Variants in STARD13 observed in about 807,000 individuals in gnomAD.
STARD13 encodes StAR related lipid transfer domain containing 13.
A neutral mutation model predicts 106.4 loss-of-function variants in STARD13; 62 were observed. That is an observed-to-expected ratio of 0.58 (90% confidence interval 0.48 to 0.72). STARD13 has a LOEUF of 0.72. Ranked by LOEUF, STARD13 falls within the 30% of genes least tolerant of loss-of-function variation. The probability of loss-of-function intolerance (pLI) is 0.00; values close to 1 mark genes in which losing one functional copy is unlikely to be tolerated. For missense variants in STARD13, 1,387 were observed against 1,424.0 expected (o/e 0.97, Z 0.42); for synonymous variants, 565 against 553.0 (o/e 1.02, Z -0.31).
chr13:33,347,663 A>G (rs2078031835), downstream of STARD13, among the ~76,000 whole-genome samples: 1 of 152,332 alleles, frequency 6.6e-6, no homozygotes, highest in Non-Finnish European at 1.5e-5. Flanking sequence ...TAGGAGAAAT[A>G]GGCCATACCA....
the STARD13 span, among the ~76,000 whole-genome samples, chr13:33,498,266 G>A: frequency 6.6e-6 from 1 of 152,170 alleles, no homozygotes; most frequent in African/African-American, 2.4e-5. Context: ...CCTCTGCTAA[G>A]TGCACACTCT....
the STARD13 span, among the ~76,000 whole-genome samples, chr13:33,555,753 C>T: frequency 6.6e-6 from 1 of 152,154 alleles, no homozygotes; most frequent in Admixed American, 6.5e-5. Context: ...AATTATTTCA[C>T]TTAAAAAATT....
chr13:33,612,984 C>A, the STARD13 span, among the ~76,000 whole-genome samples: 1 of 152,206 alleles, frequency 6.6e-6, no homozygotes, highest in South Asian at 2.1e-4. Context: ...TTTTGAGCAA[C>A]TTCAAAGTTC....
chr13:33,437,407 C>G, the STARD13 span, among the ~76,000 whole-genome samples: 1 of 152,136 alleles, frequency 6.6e-6, no homozygotes, highest in Non-Finnish European at 1.5e-5. Flanking sequence ...TGCCCCTGGC[C>G]GAATAAACCC....
chr13:33,309,781 C>T (rs1266468835), intron 1 of STARD13, among the ~76,000 whole-genome samples: 1 of 152,112 alleles, frequency 6.6e-6, no homozygotes, highest in Non-Finnish European at 1.5e-5. Flanking sequence ...TGATAATCTC[C>T]ACTGGGAATG....
the STARD13 span, among the ~76,000 whole-genome samples, chr13:33,499,188 G>T: frequency 2.6e-5 from 4 of 152,096 alleles, no homozygotes; most frequent in African/African-American, 7.2e-5. Context: ...TTTTAGCACA[G>T]AGTGAGCCTC....
At chr13:33,246,159 A>C (rs1889813764) in intron 1 of STARD13, among the ~76,000 whole-genome samples, 1 of 152,198 alleles carries the variant, frequency 6.6e-6, no homozygotes, top group Admixed American at 6.5e-5. Context: ...ATAGACATAA[A>C]TGCTTTGTCT....
the STARD13 span, among the ~76,000 whole-genome samples, chr13:33,455,602 G>C: frequency 1.3e-4 from 20 of 152,114 alleles, no homozygotes; most frequent in Non-Finnish European, 2.5e-4. Flanking sequence ...GTTCTGTTGT[G>C]AGCTGGGAAT....
chr13:33,551,568 C>CTTTTTTTTTTTTTTTTTTTTTT, the STARD13 span, among the ~76,000 whole-genome samples: 47 of 44,794 alleles, frequency 1.0e-3, 22 homozygotes, highest in South Asian at 1.9e-3. Context: ...TTTGCTTTTC[C>CTTTTTTTTTTTTTTTTTTTTTT]CTTTTTTTTT....
the STARD13 span, among the ~76,000 whole-genome samples, chr13:33,415,812 A>G: frequency 6.6e-6 from 1 of 152,232 alleles, no homozygotes; most frequent in African/African-American, 2.4e-5. Flanking sequence ...TAAGCGAGAG[A>G]TAGTCATTAA....
chr13:33,462,453 G>C, the STARD13 span, among the ~76,000 whole-genome samples: 1 of 152,184 alleles, frequency 6.6e-6, no homozygotes, highest in South Asian at 2.1e-4. Flanking sequence ...TATATGCAGG[G>C]GAGTTTGTTA....
chr13:33,609,809 C>T, the STARD13 span, among the ~76,000 whole-genome samples: 1 of 152,110 alleles, frequency 6.6e-6, no homozygotes, highest in Non-Finnish European at 1.5e-5. Context: ...ACCTCGTGAT[C>T]TGCCCGCCTC....
chr13:33,186,155 A>C, intron 1 of STARD13: 1 of 1,042,830 alleles, frequency 9.6e-7, no homozygotes. Flanking sequence ...AAGCCTCCAC[A>C]CTTCCTTTCC....
chr13:33,136,292 C>T (rs1301008295), intron 4 of STARD13, among the ~76,000 whole-genome samples: 1 of 152,156 alleles, frequency 6.6e-6, no homozygotes, highest in East Asian at 1.9e-4. Flanking sequence ...TTGTATTAAT[C>T]ACATATACGC....
the STARD13 span, among the ~76,000 whole-genome samples, chr13:33,446,718 G>A: frequency 6.6e-6 from 1 of 152,122 alleles, no homozygotes; most frequent in South Asian, 2.1e-4. Flanking sequence ...GAGTAATACA[G>A]AATTTTAGAC....
chr13:33,172,789 T>C (rs1884119208), intron 1 of STARD13, among the ~76,000 whole-genome samples: 2 of 152,192 alleles, frequency 1.3e-5, no homozygotes, highest in Non-Finnish European at 2.9e-5. Context: ...TTATCAGACA[T>C]GTAGCTGGCT....
chr13:33,430,780 C>A, the STARD13 span, among the ~76,000 whole-genome samples: 1 of 152,106 alleles, frequency 6.6e-6, no homozygotes, highest in African/African-American at 2.4e-5. Context: ...ATAGATGGAA[C>A]TGGAGGTCAT....
At chr13:33,245,148 G>A (rs149677548) in intron 1 of STARD13, among the ~76,000 whole-genome samples, 281 of 152,270 alleles carry the variant, frequency 1.8e-3, no homozygotes, top group African/African-American at 6.5e-3. Flanking sequence ...AGTTAAATAC[G>A]TCATTGTGGG....
chr13:33,278,988 C>T (rs545492188), intron 1 of STARD13, among the ~76,000 whole-genome samples: 1 of 152,204 alleles, frequency 6.6e-6, no homozygotes, highest in Non-Finnish European at 1.5e-5. Context: ...ATTTCAATTG[C>T]TCCAAGGGAG....
Sources: gnomAD v4.1 joint callset for allele counts (sites outside exome capture counted in the v4.1 genomes callset) on GRCh38, gnomAD v4.1.1 for gene constraint, MANE v1.5 for transcripts, NCBI Gene and HGNC (gene_info 2026-07-23, HGNC 2026-07-21) for gene names.